Variants in CDKAL1 observed in about 807,000 individuals in gnomAD.
CDKAL1 encodes the protein threonylcarbamoyladenosine tRNA methylthiotransferase.
In CDKAL1, 32 loss-of-function variants were observed where a neutral mutation model predicts 68.2. The observed-to-expected ratio is 0.47, with a 90% CI of 0.35 to 0.63. The LOEUF (loss-of-function observed/expected upper bound fraction) is 0.63, where lower values mean the gene tolerates loss of function less well. Among genes scored for constraint, CDKAL1 ranks in the 30% least tolerant of loss-of-function variants. The pLI is 0.00. For synonymous variants in CDKAL1, 234 were observed against 244.3 expected (o/e 0.96, Z 0.39); for missense variants, 606 against 696.7 (o/e 0.87, Z 1.47).
chr6:20,689,253 A>G (rs1373844689), intron 5 of CDKAL1, among the ~76,000 whole-genome samples: 2 of 152,184 alleles, frequency 1.3e-5, no homozygotes, highest in East Asian at 1.9e-4. Context: ...TCACGCAAGT[A>G]TGGGGCCCCA....
chr6:21,227,675 A>T (rs529660443), intron 15 of CDKAL1, among the ~76,000 whole-genome samples: 2 of 129,524 alleles, frequency 1.5e-5, no homozygotes, highest in African/African-American at 6.5e-5. Flanking sequence ...ACAGGAGGAA[A>T]GCTCAGCACC....
intron 4 of CDKAL1, among the ~76,000 whole-genome samples, chr6:20,614,529 T>C (rs1017158228): frequency 6.6e-6 from 1 of 152,208 alleles, no homozygotes; most frequent in Non-Finnish European, 1.5e-5. Flanking sequence ...TTTGTATTCC[T>C]TCTCTCATAT....
intron 5 of CDKAL1, among the ~76,000 whole-genome samples, chr6:20,715,668 C>T (rs543338086): frequency 1.3e-5 from 2 of 152,286 alleles, no homozygotes; most frequent in African/African-American, 2.4e-5. Context: ...ATCTACATTC[C>T]TTCCAACAGT....
At chr6:20,716,777 G>T (rs965800150) in intron 5 of CDKAL1, among the ~76,000 whole-genome samples, 1 of 148,428 alleles carries the variant, frequency 6.7e-6, no homozygotes, top group African/African-American at 2.6e-5. Flanking sequence ...TATGTTATAT[G>T]TATGAGGCTG....
chr6:21,132,849 A>G (rs1775397644), intron 13 of CDKAL1, among the ~76,000 whole-genome samples: 1 of 152,210 alleles, frequency 6.6e-6, no homozygotes, highest in Non-Finnish European at 1.5e-5. Context: ...GGCTGTTAGG[A>G]AGTCGAACCT....
chr6:21,148,981 G>A (rs1185695437), intron 13 of CDKAL1, among the ~76,000 whole-genome samples: 1 of 152,112 alleles, frequency 6.6e-6, no homozygotes, highest in Admixed American at 6.5e-5. Flanking sequence ...AGGGACATTA[G>A]CTTTAGTATT....
intron 4 of CDKAL1, among the ~76,000 whole-genome samples, chr6:20,556,193 C>T (rs1318675713): frequency 1.3e-5 from 2 of 151,806 alleles, no homozygotes; most frequent in African/African-American, 2.4e-5. Context: ...GGTGAAGCCC[C>T]GTCTTTACTA....
chr6:21,092,206 GC>G (rs1397138246), intron 12 of CDKAL1, among the ~76,000 whole-genome samples: 1 of 88,272 alleles, frequency 1.1e-5, no homozygotes, highest in African/African-American at 4.9e-5. Context: ...CTTTCAATCA[GC>G]TTTTTTTTTT....
At chr6:20,611,112 C>A (rs1365691073) in intron 4 of CDKAL1, among the ~76,000 whole-genome samples, 1 of 152,072 alleles carries the variant, frequency 6.6e-6, no homozygotes, top group Non-Finnish European at 1.5e-5. Context: ...TTTTGTTTTT[C>A]ATTTTTCAAA....
chr6:20,818,959 C>G (rs1259481580), intron 8 of CDKAL1, among the ~76,000 whole-genome samples: 1 of 151,930 alleles, frequency 6.6e-6, no homozygotes, highest in Non-Finnish European at 1.5e-5. Context: ...GAGTGTATTT[C>G]TTTAGTTCAT....
intron 13 of CDKAL1, among the ~76,000 whole-genome samples, chr6:21,181,312 T>G (rs1445715439): frequency 1.3e-5 from 2 of 152,202 alleles, no homozygotes; most frequent in Admixed American, 6.5e-5. Context: ...TACCAAAATT[T>G]GATTCCCAAT....
chr6:20,849,282 T>C (rs1474108556), intron 9 of CDKAL1, among the ~76,000 whole-genome samples: 1 of 152,048 alleles, frequency 6.6e-6, no homozygotes, highest in Non-Finnish European at 1.5e-5. Context: ...TAATTGGCTA[T>C]GTCAATATTA....
chr6:21,069,770 C>CTTT lies in CDKAL1; in HGVS notation c.1236+4543_1236+4545dup, dbSNP rs1771654458. 7.3e-4 allele frequency among the ~76,000 whole-genome samples: 31 copies of CTTT among 42,280 alleles called. 9 individuals carry two copies. The highest frequency in any genetic ancestry group is 1.7e-3 in the South Asian group (2 of 1,208). The allele number at this position is 42,280 out of a possible 152,430, so 27.7% of individuals were successfully genotyped here. On this transcript the variant is annotated intron_variant, in intron 12 of 15. Coordinates refer to ENST00000274695, the MANE Select transcript of CDKAL1 (RefSeq NM_017774.3). The stretch of plus-strand genomic sequence containing the variant: ...TGCCCAATAAAATCCCCCAGATTTT[C>CTTT]TTTCTTTTTTTTTTTTTTTTTTTTT...
chr6:20,572,353 A>G (rs902002329), intron 4 of CDKAL1, among the ~76,000 whole-genome samples: 2 of 152,160 alleles, frequency 1.3e-5, no homozygotes, highest in Non-Finnish European at 2.9e-5. Context: ...TAATGAGTAC[A>G]TTACTTTTAC....
At chr6:21,092,468 C>G (rs1773093008) in intron 12 of CDKAL1, among the ~76,000 whole-genome samples, 1 of 151,944 alleles carries the variant, frequency 6.6e-6, no homozygotes, top group Admixed American at 6.6e-5. Flanking sequence ...CTCCCTGTGT[C>G]CATGTATTCT....
At chr6:21,125,083 CTG>C (rs1774927601) in intron 13 of CDKAL1, among the ~76,000 whole-genome samples, 5 of 152,126 alleles carry the variant, frequency 3.3e-5, no homozygotes, top group Admixed American at 2.6e-4. Context: ...TATTGTTTGG[CTG>C]TGTCCCCATC....
At chr6:20,680,282 G>T (rs1351933109) in intron 5 of CDKAL1, among the ~76,000 whole-genome samples, 1 of 152,096 alleles carries the variant, frequency 6.6e-6, no homozygotes, top group Non-Finnish European at 1.5e-5. Flanking sequence ...GGCCAGGCTG[G>T]TCTCGAACTC....
At chr6:20,955,231 C>T (rs933777895) in intron 9 of CDKAL1, among the ~76,000 whole-genome samples, 188 bp from the exon 10 acceptor site, 50 of 152,200 alleles carry the variant, frequency 3.3e-4, no homozygotes, top group African/African-American at 1.2e-3. Flanking sequence ...TTGTAACTCT[C>T]TGGTGTTCGT....
chr6:20,766,837 A>G (rs1012087363), intron 7 of CDKAL1, among the ~76,000 whole-genome samples: 9 of 152,120 alleles, frequency 5.9e-5, no homozygotes, highest in African/African-American at 1.9e-4. Context: ...TAAAGCATCA[A>G]TCCCAGAAAG....
Sources: allele counts gnomAD v4.1 joint callset (sites outside exome capture counted in the v4.1 genomes callset), GRCh38; gene constraint gnomAD v4.1.1; transcripts MANE v1.5; gene names NCBI Gene and HGNC (gene_info 2026-07-23, HGNC 2026-07-21).